Variants in FAM184B observed in about 807,000 individuals in gnomAD.
The protein encoded by FAM184B is family with sequence similarity 184 member B, also known as protein FAM184B.
Under a neutral mutation model 135.9 loss-of-function variants are expected in FAM184B, and 111 were observed. The observed-to-expected ratio is 0.82, with a 90% CI of 0.70 to 0.96. The LOEUF (loss-of-function observed/expected upper bound fraction) is 0.96, where lower values mean the gene tolerates loss of function less well. Among genes scored for constraint, FAM184B ranks in the 40% least tolerant of loss-of-function variants. The pLI, the probability that FAM184B is intolerant of heterozygous loss-of-function variation, is 0.00. For synonymous variants in FAM184B, 552 were observed against 524.8 expected (o/e 1.05, Z -0.71); for missense variants, 1,375 against 1,323.9 (o/e 1.04, Z -0.60).
At chr4:17,732,401 G>T (rs776465529) in intron 1 of FAM184B, among the ~76,000 whole-genome samples, 98 of 152,230 alleles carry the variant, frequency 6.4e-4, no homozygotes, top group Non-Finnish European at 1.1e-3. Flanking sequence ...TCCAGGAGCT[G>T]GTTTTTTGAA....
intron 1 of FAM184B, among the ~76,000 whole-genome samples, chr4:17,760,757 ACT>A (rs554239675): frequency 2.9e-4 from 44 of 152,230 alleles, no homozygotes; most frequent in African/African-American, 1.1e-3. Flanking sequence ...CTCCTTGGAA[ACT>A]CTGGCTTACC....
At chr4:17,650,289 T>C (rs1052137249) in intron 11 of FAM184B, among the ~76,000 whole-genome samples, 5 of 152,124 alleles carry the variant, frequency 3.3e-5, no homozygotes, top group Admixed American at 2.6e-4. Context: ...TGCAGGTCAG[T>C]TGTGTCTCAC....
At chr4:17,649,868 T>TCATCCATCCATC (rs60997289) in intron 11 of FAM184B, among the ~76,000 whole-genome samples, 25 of 134,348 alleles carry the variant, frequency 1.9e-4, no homozygotes, top group African/African-American at 4.8e-4. Flanking sequence ...ATCCACCCAC[T>TCATCCATCCATC]CATCCATCCA....
At position 17,639,199 on chromosome 4, in the gene FAM184B, A is replaced by G. The variant is rs1715234983; in HGVS notation, c.2666+51T>C. The G allele has an allele frequency of 8.5e-6, 13 of 1,531,136 alleles. No individual in the cohort carries two copies. In the East Asian group the frequency reaches 2.9e-4, roughly 35 times the overall value. 94.8% of individuals were successfully genotyped at this position (1,531,136 alleles called of 1,614,324 possible). A position where few individuals can be genotyped will look rare whatever the true frequency, so the allele number is the denominator to read the frequency against. Reference sequence around the variant, plus strand: ...GTCATTGGGGTGAGTTGGCCACCCTACTGAATGGTACATTTGCAAGACCCT... The same window carrying G: ...GTCATTGGGGTGAGTTGGCCACCCTGCTGAATGGTACATTTGCAAGACCCT... On this transcript the variant is annotated intron_variant, in intron 14 of 17. Coordinates refer to ENST00000265018, the MANE Select transcript of FAM184B (RefSeq NM_015688.2).
At chr4:17,651,830 C>T (rs1204120458) in intron 11 of FAM184B, among the ~76,000 whole-genome samples, 2 of 152,074 alleles carry the variant, frequency 1.3e-5, no homozygotes, top group African/African-American at 4.8e-5. Flanking sequence ...AGATCTTTAC[C>T]TCTGTTAACT....
intron 1 of FAM184B, among the ~76,000 whole-genome samples, chr4:17,745,965 T>A (rs896630437): frequency 6.6e-6 from 1 of 152,196 alleles, no homozygotes; most frequent in Non-Finnish European, 1.5e-5. Context: ...CAAAGAACTT[T>A]TTTTAAATTT....
chr4:17,651,304 G>C (rs965425503), intron 11 of FAM184B, among the ~76,000 whole-genome samples: 1 of 152,094 alleles, frequency 6.6e-6, no homozygotes, highest in African/African-American at 2.4e-5. Flanking sequence ...TTAGGAGGCT[G>C]AAGTGGGTGG....
intron 1 of FAM184B, among the ~76,000 whole-genome samples, chr4:17,753,257 C>T (rs1312077789): frequency 6.6e-6 from 1 of 152,198 alleles, no homozygotes; most frequent in Non-Finnish European, 1.5e-5. Context: ...TAAGTCTCCT[C>T]AGGGCAGGGA....
chr4:17,739,795 A>G (rs1717990390), intron 1 of FAM184B, among the ~76,000 whole-genome samples: 1 of 151,674 alleles, frequency 6.6e-6, no homozygotes, highest in Non-Finnish European at 1.5e-5. Flanking sequence ...ACCTCAAGTG[A>G]CCCACCTGCC....
chr4:17,722,646 G>T (rs1008406519), intron 1 of FAM184B, among the ~76,000 whole-genome samples: 4 of 152,090 alleles, frequency 2.6e-5, no homozygotes, highest in Non-Finnish European at 5.9e-5. Context: ...CTTAATGAGA[G>T]CCCCACCGTC....
At chr4:17,673,404 C>T (rs2078518678) in intron 7 of FAM184B, among the ~76,000 whole-genome samples, 1 of 152,166 alleles carries the variant, frequency 6.6e-6, no homozygotes, top group Non-Finnish European at 1.5e-5. Context: ...ATCCAGCAAT[C>T]CCACTACTGG....
chr4:17,760,169 T>C (rs1718513141), intron 1 of FAM184B, among the ~76,000 whole-genome samples: 1 of 151,982 alleles, frequency 6.6e-6, no homozygotes, highest in South Asian at 2.1e-4. Flanking sequence ...ATCTTGTAGA[T>C]TAAGAACTGA....
chr4:17,639,307 G>A lies in FAM184B; in HGVS notation c.2609C>T (p.Ala870Val). Residue 870 changes from alanine to valine, a missense_variant, in exon 14 of 18, where the codon GCA (alanine) becomes GTA (valine). Coordinates refer to ENST00000265018, the MANE Select transcript of FAM184B (RefSeq NM_015688.2). ...EHRKEMQAMVADFSSAQAQLQ... is the reference protein window; with the variant it reads ...EHRKEMQAMVVDFSSAQAQLQ... ...CTGGGCCTGGGCACTACTGAAATCT[G>A]CCACCATGGCCTGCATCTCCTTCCG... The A allele has an allele frequency of 6.4e-7, 1 of 1,551,720 alleles. No individual in the cohort carries two copies. Among genetic ancestry groups the A allele is most frequent in the South Asian group, 1.2e-5 (1 of 84,060 alleles).
intron 4 of FAM184B, 122 bp from the exon 5 acceptor site, chr4:17,705,328 G>C: frequency 1.3e-6 from 1 of 749,976 alleles, no homozygotes; most frequent in South Asian, 1.9e-5. Flanking sequence ...TGTAGCACAA[G>C]GTGCAATCAA....
At chr4:17,738,147 T>A (rs1484518980) in intron 1 of FAM184B, among the ~76,000 whole-genome samples, 1 of 152,110 alleles carries the variant, frequency 6.6e-6, no homozygotes, top group Non-Finnish European at 1.5e-5. Context: ...AGGATGGGCA[T>A]GTGACTCAAG....
chr4:17,635,215 C>G lies in FAM184B; in HGVS notation c.2785-102G>C, dbSNP rs527975115. ...GAGGGCAGAATAGAGAAGGAAAGTCCAGGGGAGGAAGGGGAAGTCAGTGGG... is the reference window on the plus strand; with the variant it reads ...GAGGGCAGAATAGAGAAGGAAAGTCGAGGGGAGGAAGGGGAAGTCAGTGGG... On this transcript the variant is annotated intron_variant, in intron 15 of 17. Transcript: ENST00000265018. The G allele has an allele frequency of 1.2e-4, 107 of 884,636 alleles. 1 individual carries two copies. The South Asian group carries it at 1.7e-3, about 14-fold the overall frequency. The allele number at this position is 884,636 out of a possible 1,614,324, so 54.8% of individuals were successfully genotyped here.
intron 7 of FAM184B, among the ~76,000 whole-genome samples, chr4:17,685,260 G>T (rs982326867): frequency 6.7e-6 from 1 of 150,070 alleles, no homozygotes; most frequent in Non-Finnish European, 1.5e-5. Context: ...GATTAAGAAG[G>T]CTGAGGAGGG....
chr4:17,698,142 G>A (rs1334231936), intron 5 of FAM184B, among the ~76,000 whole-genome samples: 1 of 151,912 alleles, frequency 6.6e-6, no homozygotes, highest in Non-Finnish European at 1.5e-5. Flanking sequence ...GGAGACTAAT[G>A]CTCTCAGATA....
At chr4:17,701,258 G>A (rs932911020) in intron 5 of FAM184B, among the ~76,000 whole-genome samples, 7 of 152,188 alleles carry the variant, frequency 4.6e-5, no homozygotes, top group African/African-American at 1.7e-4. Context: ...GCGAGGACCC[G>A]AATGTTATAA....
Sources: gnomAD v4.1 joint callset for allele counts (sites outside exome capture counted in the v4.1 genomes callset) on GRCh38, gnomAD v4.1.1 for gene constraint, MANE v1.5 for transcripts, NCBI Gene and HGNC (gene_info 2026-07-23, HGNC 2026-07-21) for gene names.